Variants in EYS observed in about 807,000 individuals in gnomAD.
EYS encodes EGF-like photoreceptor maintenance factor, also known as protein eyes shut homolog.
Under a neutral mutation model 282.1 loss-of-function variants are expected in EYS, and 250 were observed. That is an observed-to-expected ratio of 0.89 (90% CI 0.80 to 0.98). EYS has a LOEUF of 0.98. EYS is among the 50% of genes least tolerant of loss of function. EYS has a pLI of 0.00. For synonymous variants in EYS, 1,355 were observed against 1,282.9 expected, an observed-to-expected ratio of 1.06 and a Z score of -1.20; for missense variants, 4,016 against 3,709.0, an observed-to-expected ratio of 1.08 and a Z score of -2.15.
intron 26 of EYS, among the ~76,000 whole-genome samples, chr6:64,531,057 C>A (rs1269630933): frequency 6.6e-6 from 1 of 152,122 alleles, no homozygotes; most frequent in Non-Finnish European, 1.5e-5. Context: ...AAATTGAGTT[C>A]TCATGCTATA....
intron 2 of EYS, among the ~76,000 whole-genome samples, chr6:65,532,247 T>C (rs959723623): frequency 1.3e-5 from 2 of 152,170 alleles, no homozygotes; most frequent in Admixed American, 1.3e-4. Context: ...TAACCAGTAT[T>C]ATACCTCTAC....
At chr6:63,753,395 C>A (rs948651920) in intron 41 of EYS, among the ~76,000 whole-genome samples, 3 of 151,628 alleles carry the variant, frequency 2.0e-5, no homozygotes, top group South Asian at 4.2e-4. Flanking sequence ...ATGTTGAGAC[C>A]CATCTATTTG....
Position 63,893,472 on chromosome 6 carries a change from C to T in EYS, c.7056-29114G>A, listed in dbSNP as rs565655677. On this transcript the variant is annotated intron_variant, in intron 35 of 42. Transcript: ENST00000503581. ...AACCATCATTCTTAGCAAACTAACA[C>T]AGGAACAGAAAACCAAACCCGCATG... Among the ~76,000 whole-genome samples the T allele has an allele frequency of 5.9e-5, 9 of 152,226 alleles. No individual in the cohort carries two copies. The East Asian group carries it at 1.7e-3, about 29-fold the overall frequency.
chr6:64,920,248 T>G (rs906018532), intron 15 of EYS, among the ~76,000 whole-genome samples: 1 of 152,092 alleles, frequency 6.6e-6, no homozygotes, highest in African/African-American at 2.4e-5. Context: ...AGACAACACT[T>G]GCTCAAAAAG....
At chr6:64,561,556 A>G (rs1765394664) in intron 26 of EYS, among the ~76,000 whole-genome samples, 1 of 151,980 alleles carries the variant, frequency 6.6e-6, no homozygotes, top group Non-Finnish European at 1.5e-5. Context: ...ACCATATCAG[A>G]TAGGCAATCC....
chr6:65,371,731 CTCTCTCTCTCTGTGTGTGTGTG>C (rs1344679107), intron 8 of EYS, among the ~76,000 whole-genome samples: 11 of 51,050 alleles, frequency 2.2e-4, no homozygotes, highest in Admixed American at 7.3e-4. Flanking sequence ...CTCTCTCTCT[CTCTCTCTCTCTGTGTGTGTGTG>C]TGTGTGTGTG....
At chr6:65,559,406 A>G (rs551672168) in intron 2 of EYS, among the ~76,000 whole-genome samples, 1 of 152,114 alleles carries the variant, frequency 6.6e-6, no homozygotes, top group Non-Finnish European at 1.5e-5. Context: ...AAAGAAAGAA[A>G]AGAAAAAAAA....
At chr6:65,469,583 T>C (rs1765131239) in intron 5 of EYS, among the ~76,000 whole-genome samples, 1 of 152,104 alleles carries the variant, frequency 6.6e-6, no homozygotes, top group African/African-American at 2.4e-5. Flanking sequence ...TTCACCAAAA[T>C]CAAATTTTGT....
chr6:64,816,063 GC>G, intron 21 of EYS, among the ~76,000 whole-genome samples: 2 of 152,126 alleles, frequency 1.3e-5, no homozygotes, highest in South Asian at 4.2e-4. Context: ...TTCTCTCATG[GC>G]ATCACGTTTT....
chr6:63,848,099 A>G (rs1772146556), intron 36 of EYS, among the ~76,000 whole-genome samples: 1 of 152,086 alleles, frequency 6.6e-6, no homozygotes, highest in South Asian at 2.1e-4. Context: ...TTTTGTTCTT[A>G]CTGTTTGAGA....
chr6:64,187,518 A>C (rs1764982308), intron 31 of EYS, among the ~76,000 whole-genome samples: 1 of 152,086 alleles, frequency 6.6e-6, no homozygotes, highest in Non-Finnish European at 1.5e-5. Context: ...AGAAAATAGC[A>C]ATTATTAAAT....
chr6:65,156,022 T>C (rs1764720562), intron 12 of EYS, among the ~76,000 whole-genome samples: 1 of 151,440 alleles, frequency 6.6e-6, no homozygotes, highest in African/African-American at 2.4e-5. Context: ...TTTTAATTGC[T>C]TTAACTTTTA....
chr6:64,036,947 T>A (rs1770152437), intron 33 of EYS, among the ~76,000 whole-genome samples: 2 of 152,134 alleles, frequency 1.3e-5, no homozygotes, highest in Admixed American at 1.3e-4. Flanking sequence ...GTAACTAGGA[T>A]GAGTATTACA....
At chr6:65,269,411 T>C (rs1253990387) in intron 12 of EYS, among the ~76,000 whole-genome samples, 1 of 152,128 alleles carries the variant, frequency 6.6e-6, no homozygotes, top group Non-Finnish European at 1.5e-5. Context: ...CAGACAAGTG[T>C]CATGTGTAGG....
intron 26 of EYS, among the ~76,000 whole-genome samples, chr6:64,558,553 A>C (rs533558298): frequency 1.5e-3 from 228 of 152,232 alleles, no homozygotes; most frequent in African/African-American, 4.1e-3. Flanking sequence ...ACAACAACAA[A>C]AAAAACACAA....
chr6:65,424,580 A>C (rs1767592185), intron 5 of EYS, among the ~76,000 whole-genome samples: 4 of 151,994 alleles, frequency 2.6e-5, no homozygotes, highest in Non-Finnish European at 5.9e-5. Context: ...TATTACATCA[A>C]ATCTAACTCA....
chr6:65,181,391 G>A (rs1765379383), intron 12 of EYS, among the ~76,000 whole-genome samples: 1 of 152,162 alleles, frequency 6.6e-6, no homozygotes, highest in Middle Eastern at 3.4e-3. Context: ...TCAAAAAATG[G>A]GTGAAGGATA....
chr6:63,852,028 G>T (rs1196235844), intron 36 of EYS, among the ~76,000 whole-genome samples: 1 of 151,372 alleles, frequency 6.6e-6, no homozygotes, highest in Non-Finnish European at 1.5e-5. Context: ...GTAGTGGCGG[G>T]CACCTGTAGT....
At chr6:64,728,362 T>G in intron 22 of EYS, among the ~76,000 whole-genome samples, 1 of 152,088 alleles carries the variant, frequency 6.6e-6, no homozygotes, top group Non-Finnish European at 1.5e-5. Flanking sequence ...TGAGATGGAG[T>G]CTTGCTCTGT....
Sources: allele counts gnomAD v4.1 joint callset (sites outside exome capture counted in the v4.1 genomes callset), GRCh38; gene constraint gnomAD v4.1.1; transcripts MANE v1.5; gene names NCBI Gene and HGNC (gene_info 2026-07-23, HGNC 2026-07-21).